The following CACNA1D variants were observed in gnomAD, a reference collection of about 807,000 sequenced individuals.
CACNA1D encodes voltage-dependent L-type calcium channel subunit alpha-1D.
In CACNA1D, 55 loss-of-function variants were observed where a neutral mutation model predicts 257.1. The observed-to-expected ratio is 0.21, with a 90% CI of 0.17 to 0.27. The LOEUF (loss-of-function observed/expected upper bound fraction) is 0.27, where lower values mean the gene tolerates loss of function less well. Among genes scored for constraint, CACNA1D ranks in the 10% least tolerant of loss-of-function variants. The pLI is 1.00. For missense variants in CACNA1D, 1,876 were observed against 2,784.0 expected, an observed-to-expected ratio of 0.67 and a Z score of 7.34; for synonymous variants, 980 against 1,014.9, an observed-to-expected ratio of 0.97 and a Z score of 0.65.
At chr3:53,517,224 TAATCCCTCACTGCAAGGCCCTGAATC>T (rs2091374554) in intron 3 of CACNA1D, among the ~76,000 whole-genome samples, 1 of 150,660 alleles carries the variant, frequency 6.6e-6, no homozygotes, top group African/African-American at 2.5e-5. Flanking sequence ...CCCTGAATCC[TAATCCCTCACTGCAAGGCCCTGAATC>T]CTAATTCCAC....
chr3:53,742,303 A>G (rs953686888), intron 21 of CACNA1D, among the ~76,000 whole-genome samples: 1 of 152,096 alleles, frequency 6.6e-6, no homozygotes, highest in Non-Finnish European at 1.5e-5. Flanking sequence ...ATATTTTGCT[A>G]TTTTTACTTT....
At chr3:53,561,426 G>A (rs139161363) in intron 3 of CACNA1D, among the ~76,000 whole-genome samples, 43 of 152,224 alleles carry the variant, frequency 2.8e-4, no homozygotes, top group African/African-American at 5.5e-4. Context: ...CCTATTTTAC[G>A]TTTATTTCTC....
intron 8 of CACNA1D, among the ~76,000 whole-genome samples, chr3:53,694,632 G>A (rs1276910280): frequency 1.3e-5 from 2 of 152,204 alleles, no homozygotes; most frequent in Non-Finnish European, 2.9e-5. Flanking sequence ...TTCCACTGAG[G>A]TTGTGAGCAG....
intron 3 of CACNA1D, among the ~76,000 whole-genome samples, chr3:53,597,302 T>A (rs766802298): frequency 3.9e-5 from 6 of 152,202 alleles, no homozygotes; most frequent in Non-Finnish European, 5.9e-5. Flanking sequence ...TCAGCTAGGT[T>A]GGCAATTGAT....
intron 30 of CACNA1D, among the ~76,000 whole-genome samples, chr3:53,769,233 G>A (rs2095352777): frequency 6.6e-6 from 1 of 152,206 alleles, no homozygotes. Context: ...GCATCCTGGG[G>A]CCGAGGGACA....
At chr3:53,585,859 G>A (rs2093206360) in intron 3 of CACNA1D, among the ~76,000 whole-genome samples, 1 of 152,102 alleles carries the variant, frequency 6.6e-6, no homozygotes, top group Admixed American at 6.6e-5. Context: ...TGGTCCACAG[G>A]GGAGGAAACT....
At chr3:53,672,956 G>T (rs753382753) in intron 7 of CACNA1D, 67 bp from the exon 8 acceptor site, 13 of 992,612 alleles carry the variant, frequency 1.3e-5, no homozygotes, top group Non-Finnish European at 2.0e-5. Flanking sequence ...TGTCTCTAAT[G>T]TGACCCTCTC....
chr3:53,668,944 A>G (rs948866001), intron 7 of CACNA1D, among the ~76,000 whole-genome samples: 14 of 152,186 alleles, frequency 9.2e-5, no homozygotes, highest in African/African-American at 3.4e-4. Context: ...GCTTGAGGCC[A>G]TATAAAAGCA....
At chr3:53,735,051 G>T (rs2095044165) in intron 19 of CACNA1D, among the ~76,000 whole-genome samples, 1 of 152,160 alleles carries the variant, frequency 6.6e-6, no homozygotes, top group Non-Finnish European at 1.5e-5. Context: ...CCTTACTAGT[G>T]TCACTTTAGA....
chr3:53,648,513 C>T (rs545671315), intron 3 of CACNA1D, among the ~76,000 whole-genome samples: 1 of 152,240 alleles, frequency 6.6e-6, no homozygotes, highest in Admixed American at 6.5e-5. Context: ...ACCGCAGTGG[C>T]CTGAGTGTGT....
At position 53,789,137 on chromosome 3, in the gene CACNA1D, G is replaced by A. The variant is rs925702450; in HGVS notation, c.4923+2185G>A. On this transcript the variant is annotated intron_variant, in intron 40 of 47. Transcript: ENST00000350061. This position sits in a 1 kb window ranked among gnomAD's most constrained non-coding sequence, Gnocchi z 4.2. ...ATAATGTTGAGGGTTTCTCCTAAAC[G>A]TTTTTCATTTTATTGTTTATAGAGT... is the stretch of plus-strand genomic sequence containing the variant. 2.6e-5 allele frequency among the ~76,000 whole-genome samples: 4 copies of A among 152,130 alleles called. No individual in the cohort carries two copies. Among genetic ancestry groups the A allele is most frequent in the Admixed American group, 6.5e-5 (1 of 15,274 alleles).
chr3:53,544,510 C>T (rs2092370891), intron 3 of CACNA1D, among the ~76,000 whole-genome samples: 1 of 151,958 alleles, frequency 6.6e-6, no homozygotes, highest in Non-Finnish European at 1.5e-5. Flanking sequence ...GTCACAAGAA[C>T]CTCCAGTCCT....
intron 7 of CACNA1D, among the ~76,000 whole-genome samples, chr3:53,670,857 C>T (rs2094315886): frequency 6.6e-6 from 1 of 152,178 alleles, no homozygotes; most frequent in African/African-American, 2.4e-5. Flanking sequence ...TTTTTGGGAA[C>T]AGCTTGCATG....
intron 4 of CACNA1D, among the ~76,000 whole-genome samples, chr3:53,651,379 T>C: frequency 6.9e-6 from 1 of 144,864 alleles, no homozygotes; most frequent in East Asian, 2.0e-4. Context: ...TTTTTTTTTT[T>C]TTTTTTTTTG....
At chr3:53,746,199 G>A (rs981988362) in intron 25 of CACNA1D, among the ~76,000 whole-genome samples, 1 of 152,082 alleles carries the variant, frequency 6.6e-6, no homozygotes, top group African/African-American at 2.4e-5. Flanking sequence ...ATGGGAGTTG[G>A]GGGAACCCTG....
At chr3:53,661,697 G>A (rs951570155) in intron 5 of CACNA1D, among the ~76,000 whole-genome samples, 1 of 152,164 alleles carries the variant, frequency 6.6e-6, no homozygotes, top group African/African-American at 2.4e-5. Context: ...GCGTGTGTGC[G>A]TGCGAGCTTC....
chr3:53,555,097 C>A (rs1575849763), intron 3 of CACNA1D, among the ~76,000 whole-genome samples: 1 of 152,034 alleles, frequency 6.6e-6, no homozygotes. Flanking sequence ...ACTATGTTTC[C>A]CATAGCTTAT....
At chr3:53,727,095 G>T (rs2094942703) in intron 15 of CACNA1D, 96 bp downstream of exon 15, 2 of 1,435,284 alleles carry the variant, frequency 1.4e-6, no homozygotes, top group African/African-American at 2.8e-5. Context: ...GGTGGTAGTA[G>T]TTGTGGCAGG....
chr3:53,720,094 T>C (rs529077638), intron 11 of CACNA1D, among the ~76,000 whole-genome samples: 1 of 152,250 alleles, frequency 6.6e-6, no homozygotes, highest in East Asian at 1.9e-4. Flanking sequence ...AAGCTTTCCA[T>C]AGAAAGGGAG....
Sources: allele counts gnomAD v4.1 joint callset (sites outside exome capture counted in the v4.1 genomes callset), GRCh38; gene constraint gnomAD v4.1.1; non-coding constraint Gnocchi (gnomAD v3.1); transcripts MANE v1.5; gene names NCBI Gene and HGNC (gene_info 2026-07-23, HGNC 2026-07-21).